Variants in HTR2C observed in about 807,000 individuals in gnomAD.
HTR2C encodes 5-hydroxytryptamine receptor 2C.
A neutral mutation model predicts 21.0 loss-of-function variants in HTR2C; 5 were observed. The observed-to-expected ratio is 0.24, with a 90% CI of 0.12 to 0.50. HTR2C has a LOEUF of 0.50. Ranked by LOEUF, HTR2C falls within the 20% of genes least tolerant of loss-of-function variation. The probability of loss-of-function intolerance (pLI) is 0.98; values close to 1 mark genes in which losing one functional copy is unlikely to be tolerated. For missense variants in HTR2C, 271 were observed against 371.2 expected (o/e 0.73, Z 2.22); for synonymous variants, 150 against 145.3 (o/e 1.03, Z -0.23).
At chrX:114,725,142 T>G (rs1473414726) in intron 2 of HTR2C, among the ~76,000 whole-genome samples, 1 of 111,340 alleles carries the variant, frequency 9.0e-6, no homozygotes, top group Non-Finnish European at 1.9e-5. Context: ...CCCTGTCACT[T>G]TCAGGTACAC....
chrX:114,678,978 A>G (rs1931660564), intron 2 of HTR2C, among the ~76,000 whole-genome samples: 1 of 112,040 alleles, frequency 8.9e-6, no homozygotes, highest in Non-Finnish European at 1.9e-5. Flanking sequence ...AAAGTTAAAA[A>G]TAAATAAAGT....
At position 114,907,289 on chromosome X, in the gene HTR2C, G is replaced by A. The variant is rs1556487312; in HGVS notation, c.1251G>A (p.Arg417=). The change falls in exon 6 of 6, where the codon CGG becomes CGA. Residue 417 remains arginine (R), a synonymous_variant. Coordinates refer to ENST00000276198, the MANE Select transcript of HTR2C (RefSeq NM_000868.4). ...SGRELNVNIY[R]HTNEPVIEKA... is the part of the protein sequence containing the mutation. ...GGGAGCTTAATGTTAACATTTATCG[G>A]CATACCAATGAACCGGTGATCGAGA... 37 of 1,208,338 alleles carry A rather than the reference G, an allele frequency of 3.1e-5. No homozygotes were observed. Among genetic ancestry groups the A allele is most frequent in the Non-Finnish European group, 3.8e-5 (34 of 894,106 alleles).
intron 2 of HTR2C, among the ~76,000 whole-genome samples, chrX:114,623,743 T>TG: frequency 9.0e-6 from 1 of 110,956 alleles, no homozygotes; most frequent in East Asian, 2.8e-4. Context: ...CTATTTCATA[T>TG]GCTATTTCCT....
At chrX:114,834,307 A>C (rs1432393738) in intron 4 of HTR2C, among the ~76,000 whole-genome samples, 1 of 106,535 alleles carries the variant, frequency 9.4e-6, no homozygotes, top group African/African-American at 3.4e-5. Flanking sequence ...GGGGTGTTAA[A>C]GTCTCCCATT....
At chrX:114,588,953 C>T (rs782175544) in intron 1 of HTR2C, among the ~76,000 whole-genome samples, 6 of 111,848 alleles carry the variant, frequency 5.4e-5, no homozygotes, top group African/African-American at 1.6e-4. Flanking sequence ...GAAGGTACTA[C>T]TATTATCCAG....
At chrX:114,716,710 A>G (rs990551105) in intron 2 of HTR2C, among the ~76,000 whole-genome samples, 7 of 112,055 alleles carry the variant, frequency 6.2e-5, no homozygotes, top group African/African-American at 9.7e-5. Context: ...TGACAAATGT[A>G]TGATTTATTA....
rs1011087795 is a variant in HTR2C, at chrX:114,587,347, A to G, written c.-147+2688A>G. Among the ~76,000 whole-genome samples, 4 of 111,439 alleles carry G rather than the reference A, an allele frequency of 3.6e-5. No individual in the cohort carries two copies. In the South Asian group the frequency reaches 1.5e-3, roughly 42 times the overall value. On this transcript the variant is annotated intron_variant, in intron 1 of 5. Coordinates refer to ENST00000276198, the MANE Select transcript of HTR2C (RefSeq NM_000868.4). ...CACCTCACTTTCATAGCAATGGAAT[A>G]CCTCACAAAAGGATGATGTACGTGT...
rs190575599 is a variant in HTR2C, at chrX:114,805,573, C to T, written c.350-42430C>T. On this transcript the variant is annotated intron_variant, in intron 4 of 5. Transcript: ENST00000276198. ...TATATATACACACCATATAGATACA[C>T]ACCATATATATACACCATATATATA... 5.2e-5 allele frequency among the ~76,000 whole-genome samples: 5 copies of T among 95,738 alleles called. 1 individual carries two copies. The highest frequency in any genetic ancestry group is 6.8e-4 in the East Asian group (2 of 2,954). The allele number at this position is 95,738 out of a possible 115,157, so 83.1% of individuals were successfully genotyped here.
rs1556486803 is a variant in HTR2C, at chrX:114,906,653, G to A, written c.615G>A (p.Thr205=). 3.3e-6 allele frequency: 4 copies of A among 1,209,083 alleles called. No homozygotes were observed. Among genetic ancestry groups the A allele is most frequent in the East Asian group, 3.0e-5 (1 of 33,731 alleles). Residue 205 remains threonine, a synonymous_variant, in exon 6 of 6, where the codon ACG becomes ACA. Coordinates refer to ENST00000276198, the MANE Select transcript of HTR2C (RefSeq NM_000868.4). ...RDEEKVFVNN[T]TCVLNDPNFV... ...AAGAAAAGGTGTTCGTGAACAACAC[G>A]ACGTGCGTGCTCAACGACCCAAATT...
At chrX:114,800,753 G>C (rs782121520) in intron 4 of HTR2C, among the ~76,000 whole-genome samples, 1 of 111,525 alleles carries the variant, frequency 9.0e-6, no homozygotes, top group African/African-American at 3.2e-5. Context: ...TTGCAATAAA[G>C]ACAAAGACCA....
At chrX:114,647,950 T>A (rs1930421764) in intron 2 of HTR2C, among the ~76,000 whole-genome samples, 1 of 112,400 alleles carries the variant, frequency 8.9e-6, no homozygotes, top group African/African-American at 3.2e-5. Flanking sequence ...ATGGCTGTAC[T>A]CCCTGTAAGA....
intron 4 of HTR2C, among the ~76,000 whole-genome samples, chrX:114,762,301 T>C (rs2069887402): frequency 9.1e-6 from 1 of 110,304 alleles, no homozygotes; most frequent in Admixed American, 9.8e-5. Flanking sequence ...AAAGTGTAGA[T>C]CCATCATATT....
intron 1 of HTR2C, among the ~76,000 whole-genome samples, chrX:114,604,152 G>C (rs111728895): frequency 3.7e-5 from 4 of 108,542 alleles, no homozygotes; most frequent in Admixed American, 9.9e-5. Flanking sequence ...GGGTTAAGGT[G>C]GGGGGATACA....
chrX:114,635,665 C>G (rs2147820790), intron 2 of HTR2C, among the ~76,000 whole-genome samples: 1 of 111,725 alleles, frequency 9.0e-6, no homozygotes, highest in East Asian at 2.8e-4. Context: ...GCAAGACACT[C>G]CACTAAGGAC....
chrX:114,609,069 A>G (rs1270984956), intron 1 of HTR2C, among the ~76,000 whole-genome samples: 1 of 112,008 alleles, frequency 8.9e-6, no homozygotes, highest in East Asian at 2.8e-4. Flanking sequence ...TTAGCTCTGA[A>G]TACTTCTCTT....
At chrX:114,783,879 T>C (rs1556441142) in intron 4 of HTR2C, among the ~76,000 whole-genome samples, 1 of 110,286 alleles carries the variant, frequency 9.1e-6, no homozygotes, top group African/African-American at 3.3e-5. Flanking sequence ...TTTAAAAAAC[T>C]GAACTATAAC....
At chrX:114,685,688 TAG>T (rs1325565582) in intron 2 of HTR2C, among the ~76,000 whole-genome samples, 1 of 111,634 alleles carries the variant, frequency 9.0e-6, no homozygotes, top group Non-Finnish European at 1.9e-5. Flanking sequence ...TGGATTATCA[TAG>T]AGTCATAGCA....
chrX:114,674,603 C>T (rs1336403426), intron 2 of HTR2C, among the ~76,000 whole-genome samples: 1 of 111,213 alleles, frequency 9.0e-6, no homozygotes, highest in Non-Finnish European at 1.9e-5. Flanking sequence ...GTAATCAGGG[C>T]CAATCAATGC....
intron 1 of HTR2C, among the ~76,000 whole-genome samples, chrX:114,586,598 T>C (rs1556389754): frequency 1.8e-5 from 2 of 110,958 alleles, no homozygotes; most frequent in African/African-American, 6.6e-5. Flanking sequence ...CTGCATTATC[T>C]AGAGAGGGTT....
Sources: allele counts gnomAD v4.1 joint callset (sites outside exome capture counted in the v4.1 genomes callset), GRCh38; gene constraint gnomAD v4.1.1; transcripts MANE v1.5; gene names NCBI Gene and HGNC (gene_info 2026-07-23, HGNC 2026-07-21).